The following BANK1 variants were observed in gnomAD, a reference collection of about 807,000 sequenced individuals.
BANK1 encodes B-cell scaffold protein with ankyrin repeats.
A neutral mutation model predicts 94.5 loss-of-function variants in BANK1; 95 were observed. The ratio of observed to expected loss-of-function variants is 1.00; its 90% CI spans 0.85 to 1.19. The LOEUF (loss-of-function observed/expected upper bound fraction) is 1.19. BANK1 is among the 50% of genes most tolerant of loss of function. The probability of loss-of-function intolerance (pLI) is 0.00; values close to 1 mark genes in which losing one functional copy is unlikely to be tolerated. For missense variants in BANK1, 987 were observed against 932.2 expected (o/e 1.06, Z -0.77); for synonymous variants, 334 against 308.4 (o/e 1.08, Z -0.87).
chr4:101,881,533 G>T (rs1728676246), intron 5 of BANK1, among the ~76,000 whole-genome samples: 1 of 152,036 alleles, frequency 6.6e-6, no homozygotes, highest in Non-Finnish European at 1.5e-5. Flanking sequence ...TAAAAGTCAA[G>T]CCACCATGTG....
At position 101,942,950 on chromosome 4, in the gene BANK1, G is replaced by A. The variant is rs969520259; in HGVS notation, c.1206+24761G>A. Among the ~76,000 whole-genome samples, 5 of 151,976 alleles carry A rather than the reference G, an allele frequency of 3.3e-5. No homozygotes were observed. In the South Asian group the frequency reaches 6.2e-4, roughly 19 times the overall value. Reference sequence around the variant, plus strand: ...ATCTGGTATGATTGTAAGAAGTATGGTAAGTATTGTTAATAAGGGTATATT... The same window carrying A: ...ATCTGGTATGATTGTAAGAAGTATGATAAGTATTGTTAATAAGGGTATATT... On this transcript the variant is annotated intron_variant, in intron 7 of 16. Coordinates refer to ENST00000322953, the MANE Select transcript of BANK1 (RefSeq NM_017935.5).
chr4:102,011,124 C>T (rs1726499523), intron 7 of BANK1, among the ~76,000 whole-genome samples: 1 of 152,178 alleles, frequency 6.6e-6, no homozygotes, highest in South Asian at 2.1e-4. Context: ...AATGCCTCCA[C>T]CTTACCTTCG....
chr4:101,978,148 T>TAA (rs201330510), intron 7 of BANK1, among the ~76,000 whole-genome samples: 1 of 145,416 alleles, frequency 6.9e-6, no homozygotes, highest in African/African-American at 2.5e-5. Flanking sequence ...AGTAGGTACT[T>TAA]AAAAAAAAAA....
At chr4:101,813,596 G>A (rs1250486587) in intron 1 of BANK1, among the ~76,000 whole-genome samples, 2 of 152,176 alleles carry the variant, frequency 1.3e-5, no homozygotes, top group East Asian at 1.9e-4. Flanking sequence ...ATGGGTGTGC[G>A]TCCTTGACCG....
intron 7 of BANK1, among the ~76,000 whole-genome samples, chr4:101,941,861 T>C (rs1046326162): frequency 1.3e-5 from 2 of 151,840 alleles, no homozygotes; most frequent in Non-Finnish European, 1.5e-5. Context: ...TCTTCACCAT[T>C]GACTTTCCTC....
intron 2 of BANK1, among the ~76,000 whole-genome samples, chr4:101,835,781 T>C (rs947903377): frequency 1.3e-5 from 2 of 152,190 alleles, no homozygotes; most frequent in Admixed American, 6.5e-5. Context: ...GTCTTTCAGC[T>C]CTTTGAAGGT....
intron 1 of BANK1, among the ~76,000 whole-genome samples, chr4:101,800,547 G>A (rs991984035): frequency 4.6e-5 from 7 of 151,860 alleles, no homozygotes; most frequent in East Asian, 3.9e-4. Flanking sequence ...ATTCATTCTC[G>A]TTAAAATCCT....
intron 6 of BANK1, among the ~76,000 whole-genome samples, chr4:101,911,930 T>G (rs1322816871): frequency 1.3e-5 from 2 of 152,112 alleles, no homozygotes; most frequent in Non-Finnish European, 2.9e-5. Flanking sequence ...ATTATAGAGT[T>G]AGGAAAAGAA....
intron 1 of BANK1, among the ~76,000 whole-genome samples, chr4:101,828,383 TTATATATATATA>T (rs60877981): frequency 3.5e-5 from 5 of 142,118 alleles, no homozygotes; most frequent in Admixed American, 7.2e-5. Flanking sequence ...ATGAGTGAAT[TTATATATATATA>T]TATATATATA....
At chr4:101,800,656 AGACT>A (rs1725329543) in intron 1 of BANK1, among the ~76,000 whole-genome samples, 1 of 152,262 alleles carries the variant, frequency 6.6e-6, no homozygotes, top group Non-Finnish European at 1.5e-5. Context: ...TGAATCTAAG[AGACT>A]GACTATTGCT....
chr4:102,047,472 C>A (rs754912120), intron 11 of BANK1, among the ~76,000 whole-genome samples: 4 of 152,062 alleles, frequency 2.6e-5, no homozygotes, highest in Non-Finnish European at 2.9e-5. Flanking sequence ...GTGCCTTTAG[C>A]TCTCTCAAGA....
intron 5 of BANK1, among the ~76,000 whole-genome samples, chr4:101,891,522 C>T (rs1456409090): frequency 6.6e-6 from 1 of 151,994 alleles, no homozygotes; most frequent in African/African-American, 2.4e-5. Flanking sequence ...TAGGTTTATG[C>T]CTCTTGCCAA....
chr4:101,815,542 A>C (rs1725882719), intron 1 of BANK1, among the ~76,000 whole-genome samples: 1 of 152,134 alleles, frequency 6.6e-6, no homozygotes, highest in African/African-American at 2.4e-5. Context: ...ACATCCACTA[A>C]GTAATTTAAA....
chr4:101,840,125 C>T (rs1266998671), intron 2 of BANK1, among the ~76,000 whole-genome samples: 11 of 148,104 alleles, frequency 7.4e-5, no homozygotes, highest in African/African-American at 2.7e-4. Context: ...CCCGCCACTA[C>T]GCCCGGCTAA....
chr4:101,999,440 G>A (rs967448100), intron 7 of BANK1, among the ~76,000 whole-genome samples: 5 of 152,074 alleles, frequency 3.3e-5, no homozygotes, highest in African/African-American at 9.7e-5. Flanking sequence ...TGTCAATAAA[G>A]CACTGATGCA....
At chr4:102,067,589 A>G (rs1179865190) in intron 13 of BANK1, among the ~76,000 whole-genome samples, 2 of 152,026 alleles carry the variant, frequency 1.3e-5, no homozygotes, top group Non-Finnish European at 2.9e-5. Context: ...CATACAGATA[A>G]AAAGGCAGTT....
rs371194116 is a variant in BANK1 at position 101,978,547 on chromosome 4, G to A, written c.1207-42967G>A. ...TTTAATTACCAGGCATTCTTAATACGTACATTTAGCTCTTGATCAAATAGT... is the reference window on the plus strand; with the variant it reads ...TTTAATTACCAGGCATTCTTAATACATACATTTAGCTCTTGATCAAATAGT... On this transcript the variant is annotated intron_variant, in intron 7 of 16. Transcript: ENST00000322953. Among the ~76,000 whole-genome samples the A allele has an allele frequency of 2.0e-4, 31 of 151,962 alleles. No individual in the cohort carries two copies. In the Middle Eastern group the frequency reaches 0.01, roughly 50 times the overall value.
chr4:102,037,237 G>A (rs1727539284), intron 10 of BANK1, among the ~76,000 whole-genome samples: 2 of 152,184 alleles, frequency 1.3e-5, no homozygotes, highest in South Asian at 4.1e-4. Context: ...CAAGAATGCT[G>A]CTAAATGTCT....
chr4:101,913,223 G>A lies in BANK1; in HGVS notation c.1010-4770G>A, dbSNP rs138191151. Among the ~76,000 whole-genome samples, 724 of 152,188 alleles carry A rather than the reference G, an allele frequency of 4.8e-3. 4 individuals are homozygous for A. The highest frequency in any genetic ancestry group is 7.5e-3 in the Non-Finnish European group (508 of 67,990). ...TCAAAAGGAATTTTTTTTAATGAAT[G>A]TAGAGGAAAAGAATGCAAACACATT... is the stretch of plus-strand genomic sequence containing the variant. On this transcript the variant is annotated intron_variant, in intron 6 of 16. Coordinates refer to ENST00000322953, the MANE Select transcript of BANK1 (RefSeq NM_017935.5).
Sources: allele counts gnomAD v4.1 joint callset (sites outside exome capture counted in the v4.1 genomes callset), GRCh38; gene constraint gnomAD v4.1.1; transcripts MANE v1.5; gene names NCBI Gene and HGNC (gene_info 2026-07-23, HGNC 2026-07-21).